Variants in RAB6A observed in about 807,000 individuals in gnomAD.
RAB6A encodes the protein ras-related protein Rab-6A.
A neutral mutation model predicts 32.3 loss-of-function variants in RAB6A; 8 were observed. That is an observed-to-expected ratio of 0.25 (90% CI 0.15 to 0.45). The LOEUF (loss-of-function observed/expected upper bound fraction) is 0.45, where lower values mean the gene tolerates loss of function less well. Among genes scored for constraint, RAB6A ranks in the 20% least tolerant of loss-of-function variants. RAB6A has a pLI of 1.00. For missense variants in RAB6A, 104 were observed against 249.4 expected, an observed-to-expected ratio of 0.42 and a Z score of 3.93; for synonymous variants, 73 against 82.1, an observed-to-expected ratio of 0.89 and a Z score of 0.60.
rs1017703900 is a variant in RAB6A, at chr11:73,760,843, C to A, written c.-208G>T. The A allele has an allele frequency of 2.9e-5, 17 of 591,782 alleles. No individual in the cohort carries two copies. The highest frequency in any genetic ancestry group is 4.3e-5 in the Non-Finnish European group (15 of 352,728). 36.7% of individuals were successfully genotyped at this position (591,782 alleles called of 1,614,324 possible). A position where few individuals can be genotyped will look rare whatever the true frequency, so the allele number is the denominator to read the frequency against. ...CGCCTCCCGGCAGAGTAGCCTAGCA[C>A]CGAGCGAGGCCCGCGGCTGGGAAGG... is the stretch of plus-strand genomic sequence containing the variant. On this transcript the variant is annotated 5_prime_UTR_variant, in exon 1 of 8. Coordinates refer to ENST00000336083, the MANE Select transcript of RAB6A (RefSeq NM_198896.2).
intron 1 of RAB6A, among the ~76,000 whole-genome samples, chr11:73,754,518 T>A (rs1046331527): frequency 6.6e-6 from 1 of 152,244 alleles, no homozygotes; most frequent in African/African-American, 2.4e-5. Flanking sequence ...GCAAATCCAA[T>A]TGTCCTCTAT....
intron 1 of RAB6A, chr11:73,759,922 A>C (rs960069403): frequency 1.1e-4 from 72 of 627,768 alleles, no homozygotes; most frequent in Non-Finnish European, 1.6e-4. Context: ...TGCCGACGCT[A>C]CCCCTTTCAC....
intron 6 of RAB6A, among the ~76,000 whole-genome samples, chr11:73,685,961 T>C (rs938077897): frequency 6.7e-6 from 1 of 149,086 alleles, no homozygotes; most frequent in Non-Finnish European, 1.5e-5. Flanking sequence ...AATGAACTCA[T>C]GGGCCTGCAG....
At chr11:73,733,718 A>G (rs577263019) in intron 1 of RAB6A, among the ~76,000 whole-genome samples, 1 of 152,220 alleles carries the variant, frequency 6.6e-6, no homozygotes, top group Non-Finnish European at 1.5e-5. Flanking sequence ...GATACAAAAG[A>G]ATATATACTC....
intron 6 of RAB6A, among the ~76,000 whole-genome samples, chr11:73,687,154 TATATG>T (rs1432963216): frequency 1.3e-5 from 2 of 152,110 alleles, no homozygotes; most frequent in African/African-American, 4.8e-5. Flanking sequence ...TGAGTTCACT[TATATG>T]AGATACCTAG....
chr11:73,746,652 C>G (rs1486321906), intron 1 of RAB6A, among the ~76,000 whole-genome samples: 1 of 151,972 alleles, frequency 6.6e-6, no homozygotes, highest in Non-Finnish European at 1.5e-5. Flanking sequence ...CACCTGTATT[C>G]CCAGCTATGG....
At chr11:73,760,538 G>A (rs771391325) in intron 1 of RAB6A, 28 bp downstream of exon 1, 1 of 1,585,518 alleles carries the variant, frequency 6.3e-7, no homozygotes, top group African/African-American at 1.3e-5. Context: ...GCGGCCAGCT[G>A]CCAGGAGTAG....
intron 1 of RAB6A, among the ~76,000 whole-genome samples, chr11:73,740,070 A>C (rs184691159): frequency 6.6e-6 from 1 of 151,818 alleles, no homozygotes; most frequent in Non-Finnish European, 1.5e-5. Context: ...AAAAAAAGAA[A>C]AAAAAAAAAA....
At chr11:73,744,110 G>A (rs544277720) in intron 1 of RAB6A, among the ~76,000 whole-genome samples, 8 of 151,670 alleles carry the variant, frequency 5.3e-5, no homozygotes, top group Admixed American at 2.0e-4. Context: ...AGGCTGAGGC[G>A]GGTGGATCAC....
At chr11:73,689,147 A>AG (rs1420486248) in intron 6 of RAB6A, among the ~76,000 whole-genome samples, 17 of 152,052 alleles carry the variant, frequency 1.1e-4, no homozygotes, top group Admixed American at 9.8e-4. Context: ...ATTGCTTCTA[A>AG]GGGCAGCCAC....
At chr11:73,698,543 T>G (rs904881085) in intron 6 of RAB6A, among the ~76,000 whole-genome samples, 1 of 152,196 alleles carries the variant, frequency 6.6e-6, no homozygotes, top group Non-Finnish European at 1.5e-5. Context: ...AGGAAAGTTA[T>G]ATAATTTCTA....
chr11:73,735,755 C>CA (rs1304885373), intron 1 of RAB6A, among the ~76,000 whole-genome samples: 1 of 151,858 alleles, frequency 6.6e-6, no homozygotes, highest in African/African-American at 2.4e-5. Context: ...AACAATAAAT[C>CA]AGACAAGTAA....
At chr11:73,730,942 A>C in intron 1 of RAB6A, 119 bp from the exon 2 acceptor site, 1 of 699,928 alleles carries the variant, frequency 1.4e-6, no homozygotes. Flanking sequence ...GGTTCTACTA[A>C]GAATAATTAA....
At chr11:73,702,263 G>A (rs1281793513) in intron 6 of RAB6A, among the ~76,000 whole-genome samples, 2 of 152,028 alleles carry the variant, frequency 1.3e-5, no homozygotes, top group Non-Finnish European at 2.9e-5. Flanking sequence ...CTGGGCTCAA[G>A]CAATCCTCTG....
chr11:73,721,318 T>C (rs755591907), intron 2 of RAB6A, among the ~76,000 whole-genome samples: 6 of 152,232 alleles, frequency 3.9e-5, no homozygotes, highest in Non-Finnish European at 5.9e-5. Flanking sequence ...TGTTGATATA[T>C]TGTCAACTGT....
At chr11:73,700,835 T>C (rs553389102) in intron 6 of RAB6A, among the ~76,000 whole-genome samples, 14 of 152,302 alleles carry the variant, frequency 9.2e-5, no homozygotes, top group Non-Finnish European at 2.1e-4. Flanking sequence ...AGCAGGACTT[T>C]AGGGTCAAGT....
At chr11:73,736,815 A>AG (rs1946402415) in intron 1 of RAB6A, among the ~76,000 whole-genome samples, 3 of 141,514 alleles carry the variant, frequency 2.1e-5, no homozygotes, top group South Asian at 2.2e-4. Context: ...AAAAGAAAAA[A>AG]AAAAAAAAAA....
rs771441560 is a variant in RAB6A, at chr11:73,716,264, G to C, written c.388C>G (p.Leu130Val). 1 of 1,606,750 alleles carries C rather than the reference G, an allele frequency of 6.2e-7. No individual in the cohort carries two copies. Among genetic ancestry groups the C allele is most frequent in the Non-Finnish European group, 8.5e-7 (1 of 1,173,634 alleles). ...IIMLVGNKTDLADKRQVSIEE... is the reference protein window; with the variant it reads ...IIMLVGNKTDVADKRQVSIEE... ...ATAACTCCATACCTCTTGTCAGCAA[G>C]ATCTGTTTTATTTCCTACTAGCATG... Residue 130 changes from leucine to valine, a missense_variant, in exon 5 of 8, where the codon CTT becomes GTT. Leu to Val is a conservative substitution (Grantham distance 32, BLOSUM62 1). Around this residue, in one of 4 missense-constraint regions of RAB6A, gnomAD observed 21 missense variants for 18.2 expected, o/e 1.15. Transcript: ENST00000336083.
chr11:73,739,598 GTTGA>G (rs887540238), intron 1 of RAB6A, among the ~76,000 whole-genome samples: 10 of 151,578 alleles, frequency 6.6e-5, no homozygotes, highest in African/African-American at 2.4e-4. Context: ...CACCTCTAAG[GTTGA>G]TTATTAAAAG....
Sources: allele counts gnomAD v4.1 joint callset (sites outside exome capture counted in the v4.1 genomes callset), GRCh38; gene constraint gnomAD v4.1.1; regional missense constraint gnomAD v4.1.1; transcripts MANE v1.5; gene names NCBI Gene and HGNC (gene_info 2026-07-23, HGNC 2026-07-21).